Variants in CCDC62 observed in about 807,000 individuals in gnomAD.
The protein encoded by CCDC62 is coiled-coil domain containing 62.
Under a neutral mutation model 80.8 loss-of-function variants are expected in CCDC62, and 72 were observed. That is an observed-to-expected ratio of 0.89 (90% CI 0.74 to 1.08). The LOEUF is 1.08. CCDC62 is among the 50% of genes least tolerant of loss of function. The probability of loss-of-function intolerance (pLI) is 0.00; values close to 1 mark genes in which losing one functional copy is unlikely to be tolerated. For synonymous variants in CCDC62, 286 were observed against 296.5 expected, an observed-to-expected ratio of 0.96 and a Z score of 0.36; for missense variants, 704 against 809.4, an observed-to-expected ratio of 0.87 and a Z score of 1.58.
At chr12:122,806,379 G>T in intron 10 of CCDC62, 84 bp downstream of exon 10, 2 of 1,101,452 alleles carry the variant, frequency 1.8e-6, no homozygotes, top group Admixed American at 2.8e-5. Context: ...ACCACTGTTA[G>T]CTTGCTTATT....
chr12:122,792,200 TGG>T, intron 6 of CCDC62, 79 bp downstream of exon 6: 2 of 762,866 alleles, frequency 2.6e-6, no homozygotes, highest in African/African-American at 1.9e-5. Flanking sequence ...TCTCCCAAAA[TGG>T]TTTTTTTTTT....
In CCDC62 at chr12:122,776,345, G is replaced by T. The variant is rs867887802; in HGVS notation, c.37-1146G>T. On this transcript the variant is annotated intron_variant, in intron 1 of 12. Transcript: ENST00000253079. Reference sequence around the variant, plus strand: ...ATTTTAAAATGCTGTATACTTCAAAGAAATTATTGTATTAATAGATAATAT... The same window carrying T: ...ATTTTAAAATGCTGTATACTTCAAATAAATTATTGTATTAATAGATAATAT... Among the ~76,000 whole-genome samples, 7 of 152,310 alleles carry T rather than the reference G, an allele frequency of 4.6e-5. No individual in the cohort carries two copies. In the South Asian group the frequency reaches 8.3e-4, roughly 18 times the overall value.
At chr12:122,790,101 A>T (rs957956320) in intron 5 of CCDC62, among the ~76,000 whole-genome samples, 8 of 151,996 alleles carry the variant, frequency 5.3e-5, no homozygotes, top group African/African-American at 1.9e-4. Context: ...CCCAGGCTGG[A>T]GTGCAATGGC....
At position 122,777,603 on chromosome 12, in the gene CCDC62, T is replaced by G; in HGVS notation, c.149T>G (p.Val50Gly). The stretch of plus-strand genomic sequence containing the variant: ...AAAGAGCTCAATGACATGGTTGCAG[T>G]GCACCAGCAACAGCTTCTTTCATGG... ...RDKELNDMVA[V>G]HQQQLLSWEE... Residue 50 changes from valine to glycine, a missense_variant, in exon 2 of 13, where the codon GTG (valine) becomes GGG (glycine). Physicochemically the swap from Val to Gly is moderately radical, Grantham distance 109. Transcript: ENST00000253079. 1 of 1,614,128 alleles carries G rather than the reference T, an allele frequency of 6.2e-7. No homozygotes were observed. The highest frequency in any genetic ancestry group is 1.1e-5 in the South Asian group (1 of 91,080).
At chr12:122,808,885 C>G (rs1040822753) in intron 10 of CCDC62, among the ~76,000 whole-genome samples, 3 of 152,202 alleles carry the variant, frequency 2.0e-5, no homozygotes, top group Admixed American at 2.0e-4. Context: ...TGCTGATGCT[C>G]CGGTCCCAGC....
In CCDC62 at chr12:122,801,846, C is replaced by T. The variant is rs780340207; in HGVS notation, c.1700C>T (p.Pro567Leu). 2.2e-5 allele frequency: 35 copies of T among 1,612,928 alleles called. No individual in the cohort carries two copies. The highest frequency in any genetic ancestry group is 2.8e-5 in the Non-Finnish European group (33 of 1,179,684). The change falls in exon 9 of 13, where the codon CCG becomes CTG. Residue 567 changes from proline to leucine, a missense_variant. Coordinates refer to ENST00000253079, the MANE Select transcript of CCDC62 (RefSeq NM_201435.5). ...ATCTGTGGCACACAACATGACTCCC[C>T]GGCAAGGTGAGTAACGTTCACATCT... is the stretch of plus-strand genomic sequence containing the variant. ...ESICGTQHDS[P>L]ASELIAIQDS...
chr12:122,792,869 G>A (rs2030714109), intron 6 of CCDC62, among the ~76,000 whole-genome samples: 2 of 152,106 alleles, frequency 1.3e-5, no homozygotes, highest in African/African-American at 4.8e-5. Context: ...ACCAAGCAGC[G>A]AGTGTTAATG....
intron 2 of CCDC62, among the ~76,000 whole-genome samples, chr12:122,778,116 C>T (rs1319423991): frequency 1.3e-5 from 2 of 151,964 alleles, no homozygotes. Context: ...CCTGTAATTC[C>T]AGCACTTTGG....
chr12:122,803,451 G>C (rs1367199616), intron 9 of CCDC62, among the ~76,000 whole-genome samples: 1 of 152,000 alleles, frequency 6.6e-6, no homozygotes, highest in Non-Finnish European at 1.5e-5. Context: ...AATAATGTCT[G>C]CTATTTTAAA....
intron 11 of CCDC62, among the ~76,000 whole-genome samples, chr12:122,822,617 A>G (rs1241712157): frequency 8.7e-6 from 1 of 114,898 alleles, no homozygotes; most frequent in Admixed American, 1.1e-4. Flanking sequence ...TCTGTCGCCC[A>G]GGCTGGAGTG....
chr12:122,797,254 G>T, intron 6 of CCDC62, 53 bp from the exon 7 acceptor site: 2 of 853,082 alleles, frequency 2.3e-6, no homozygotes, highest in Non-Finnish European at 4.0e-6. Flanking sequence ...AAATGGAGAG[G>T]TTTGTGTGGC....
chr12:122,777,250 C>T lies in CCDC62; in HGVS notation c.37-241C>T, dbSNP rs920510987. 5 of 402,450 alleles carry T rather than the reference C, an allele frequency of 1.2e-5. No individual in the cohort carries two copies. The South Asian group carries it at 1.4e-4, about 11-fold the overall frequency. The allele number at this position is 402,450 out of a possible 1,614,324, so 24.9% of individuals were successfully genotyped here. A position where few individuals can be genotyped will look rare whatever the true frequency, so the allele number is the denominator to read the frequency against. ...TTACCCAGTGGGTTTTAGAAACAGT[C>T]CCACTTTTTAGGCATGGTACGTATG... On this transcript the variant is annotated intron_variant, in intron 1 of 12. Transcript: ENST00000253079.
intron 1 of CCDC62, among the ~76,000 whole-genome samples, chr12:122,775,093 C>CAAAAAA (rs36059141): frequency 4.1e-4 from 25 of 60,490 alleles, no homozygotes; most frequent in African/African-American, 1.3e-3. Flanking sequence ...GACTCCGTCT[C>CAAAAAA]AAAAAAAAAA....
rs370094225 is a variant in CCDC62 at position 122,797,404 on chromosome 12, C to T, written c.861+9C>T. 2.5e-5 allele frequency: 37 copies of T among 1,483,434 alleles called. 1 individual carries two copies. In the African/African-American group the frequency reaches 4.3e-4, roughly 17 times the overall value. 91.9% of individuals were successfully genotyped at this position (1,483,434 alleles called of 1,614,324 possible). On this transcript the variant is annotated intron_variant, in intron 7 of 12. Coordinates refer to ENST00000253079, the MANE Select transcript of CCDC62 (RefSeq NM_201435.5). Reference sequence around the variant, plus strand: ...TGCACAATCTGAGACAGGTATGTCCCCAATCATCCTTCTCTGTCACATAAG... The same window carrying T: ...TGCACAATCTGAGACAGGTATGTCCTCAATCATCCTTCTCTGTCACATAAG...
intron 11 of CCDC62, among the ~76,000 whole-genome samples, chr12:122,821,695 C>T (rs879752663): frequency 6.6e-6 from 1 of 152,080 alleles, no homozygotes; most frequent in Admixed American, 6.6e-5. Flanking sequence ...GATCCTCCCA[C>T]CTCAGCCTCC....
intron 3 of CCDC62, among the ~76,000 whole-genome samples, chr12:122,782,476 G>T (rs1403346374): frequency 1.3e-5 from 2 of 151,840 alleles, no homozygotes; most frequent in Non-Finnish European, 2.9e-5. Flanking sequence ...TGTTTTTTTT[G>T]AGATGGAGTT....
Position 122,774,612 on chromosome 12 carries a change from T to A in CCDC62, c.-59T>A, listed in dbSNP as rs1352292081. 8.3e-7 allele frequency: 1 copy of A among 1,205,760 alleles called. No homozygotes were observed. Among genetic ancestry groups the A allele is most frequent in the Non-Finnish European group, 1.0e-6 (1 of 953,134 alleles). 74.7% of individuals were successfully genotyped at this position (1,205,760 alleles called of 1,614,324 possible). A position where few individuals can be genotyped will look rare whatever the true frequency, so the allele number is the denominator to read the frequency against. ...CCGCCGCTCGGGGCAGGCGCGCCGA[T>A]GGCGTTTCTGAGGTGACGCCGCCCA... On this transcript the variant is annotated 5_prime_UTR_variant, in exon 1 of 13. The change abolishes an upstream ATG in the 5' untranslated region. Coordinates refer to ENST00000253079, the MANE Select transcript of CCDC62 (RefSeq NM_201435.5).
At chr12:122,784,382 A>G (rs529931267) in intron 3 of CCDC62, among the ~76,000 whole-genome samples, 2 of 152,064 alleles carry the variant, frequency 1.3e-5, no homozygotes, top group East Asian at 1.9e-4. Context: ...TCAGCTGGGC[A>G]TGGTGGCACG....
At chr12:122,822,091 G>A (rs1488425357) in intron 11 of CCDC62, among the ~76,000 whole-genome samples, 3 of 8,240 alleles carry the variant, frequency 3.6e-4, no homozygotes, top group Non-Finnish European at 9.4e-4. Context: ...ACACACACAC[G>A]ACATTATTTA....
Sources: gnomAD v4.1 joint callset for allele counts (sites outside exome capture counted in the v4.1 genomes callset) on GRCh38, gnomAD v4.1.1 for gene constraint, MANE v1.5 for transcripts, NCBI Gene and HGNC (gene_info 2026-07-23, HGNC 2026-07-21) for gene names.